DOCK3: variants seen among roughly 807,000 people sequenced by gnomAD.
The protein encoded by DOCK3 is dedicator of cytokinesis 3, also known as dedicator of cytokinesis protein 3.
A neutral mutation model predicts 265.6 loss-of-function variants in DOCK3; 60 were observed. That is an observed-to-expected ratio of 0.23 (90% CI 0.18 to 0.28). DOCK3 has a LOEUF of 0.28. Among genes scored for constraint, DOCK3 ranks in the 10% least tolerant of loss-of-function variants. The pLI, the probability that DOCK3 is intolerant of heterozygous loss-of-function variation, is 1.00. For synonymous variants in DOCK3, 881 were observed against 938.0 expected, an observed-to-expected ratio of 0.94 and a Z score of 1.11; for missense variants, 1,981 against 2,594.3, an observed-to-expected ratio of 0.76 and a Z score of 5.14.
intron 1 of DOCK3, among the ~76,000 whole-genome samples, chr3:50,745,024 A>T (rs997152172): frequency 2.0e-5 from 3 of 152,104 alleles, no homozygotes; most frequent in Non-Finnish European, 4.4e-5. Context: ...CTTTTTCAAG[A>T]CTGTTTGGCT....
At chr3:50,744,168 T>C (rs1344866042) in intron 1 of DOCK3, among the ~76,000 whole-genome samples, 1 of 152,184 alleles carries the variant, frequency 6.6e-6, no homozygotes, top group Admixed American at 6.5e-5. Context: ...TTATATATTC[T>C]GTATATGAAA....
intron 2 of DOCK3, among the ~76,000 whole-genome samples, chr3:50,799,226 G>T (rs907775369): frequency 1.3e-5 from 2 of 152,072 alleles, no homozygotes; most frequent in East Asian, 3.9e-4. Context: ...CCAATTTTAG[G>T]ATATTCCCCC....
chr3:51,043,633 G>C (rs1479623175), intron 5 of DOCK3, among the ~76,000 whole-genome samples: 1 of 149,982 alleles, frequency 6.7e-6, no homozygotes, highest in Non-Finnish European at 1.5e-5. Flanking sequence ...AACTGAATGG[G>C]GTAAACAGAC....
chr3:50,753,921 C>T (rs1487580011), intron 1 of DOCK3, among the ~76,000 whole-genome samples: 2 of 151,958 alleles, frequency 1.3e-5, no homozygotes, highest in Middle Eastern at 3.4e-3. Context: ...TTTGGGAGGC[C>T]GAGGCAAGTG....
intron 37 of DOCK3, among the ~76,000 whole-genome samples, 169 bp downstream of exon 37, chr3:51,339,197 T>C (rs2085075346): frequency 6.6e-6 from 1 of 152,200 alleles, no homozygotes; most frequent in Admixed American, 6.5e-5. Context: ...TTGTGGCACA[T>C]GGTAGAGAGA....
intron 21 of DOCK3, among the ~76,000 whole-genome samples, chr3:51,244,782 C>G (rs1211228553): frequency 6.6e-6 from 1 of 152,148 alleles, no homozygotes; most frequent in African/African-American, 2.4e-5. Flanking sequence ...TGCTTTCAGT[C>G]TTTTACCATT....
intron 3 of DOCK3, among the ~76,000 whole-genome samples, chr3:50,872,545 CAT>C (rs2047483100): frequency 6.6e-6 from 1 of 152,184 alleles, no homozygotes; most frequent in African/African-American, 2.4e-5. Flanking sequence ...CCCGGGCTAC[CAT>C]ATATGTCTGT....
intron 32 of DOCK3, among the ~76,000 whole-genome samples, chr3:51,316,920 C>T (rs2083400580): frequency 6.6e-6 from 1 of 152,112 alleles, no homozygotes; most frequent in Non-Finnish European, 1.5e-5. Flanking sequence ...TTTTCATTTA[C>T]TAAACAATAT....
At chr3:50,989,277 C>T (rs1395645991) in intron 5 of DOCK3, among the ~76,000 whole-genome samples, 1 of 152,180 alleles carries the variant, frequency 6.6e-6, no homozygotes, top group Non-Finnish European at 1.5e-5. Context: ...ACTAAGATTC[C>T]TTCCTCTGCT....
intron 2 of DOCK3, among the ~76,000 whole-genome samples, chr3:50,828,234 C>T (rs183480779): frequency 2.0e-5 from 3 of 151,984 alleles, no homozygotes; most frequent in African/African-American, 4.8e-5. Flanking sequence ...TGCCAGAAAA[C>T]ATGCACTCTT....
chr3:51,010,732 T>G (rs572960833), intron 5 of DOCK3, among the ~76,000 whole-genome samples: 33 of 152,356 alleles, frequency 2.2e-4, no homozygotes, highest in African/African-American at 7.7e-4. Context: ...CTTTACAATT[T>G]GGCACGCTTT....
chr3:51,133,452 T>A (rs568250834), intron 9 of DOCK3, among the ~76,000 whole-genome samples: 3 of 151,948 alleles, frequency 2.0e-5, no homozygotes, highest in Non-Finnish European at 2.9e-5. Flanking sequence ...CTCAGAATGA[T>A]CGTTTCCAGC....
At position 51,214,209 on chromosome 3, in the gene DOCK3, T is replaced by C. The variant is rs376719570; in HGVS notation, c.1214T>C (p.Ile405Thr). 2.5e-6 allele frequency: 4 copies of C among 1,613,800 alleles called. No homozygotes were observed. The highest frequency in any genetic ancestry group is 3.4e-6 in the Non-Finnish European group (4 of 1,179,810). ...NPMIFNRGLA[I>T]TRKLGFPDVI... Reference sequence around the variant, plus strand: ...ATGATATTTAATAGGGGATTGGCAATTACAAGAAAATTGGGATTTCCTGAT... The same window carrying C: ...ATGATATTTAATAGGGGATTGGCAACTACAAGAAAATTGGGATTTCCTGAT... Residue 405 changes from isoleucine to threonine, a missense_variant, in exon 14 of 53, where the codon ATT (isoleucine) becomes ACT (threonine). Physicochemically the swap from Ile to Thr is moderately conservative, Grantham distance 89 (BLOSUM62 -1). Around this residue, in one of 4 missense-constraint regions of DOCK3, gnomAD observed 456 missense variants for 539.0 expected, o/e 0.85. Transcript: ENST00000266037.
intron 21 of DOCK3, among the ~76,000 whole-genome samples, chr3:51,237,975 G>A (rs2078422864): frequency 6.6e-6 from 1 of 151,750 alleles, no homozygotes; most frequent in Admixed American, 6.6e-5. Flanking sequence ...GGTACCTCAT[G>A]TAAGTGTAAT....
In DOCK3 at chr3:51,360,614, A is replaced by G. The variant is rs774138916; in HGVS notation, c.4988A>G (p.Lys1663Arg). ...SHSPMSPESI[K>R]MTHRHSPMNL... is the part of the protein sequence containing the mutation. ...AGCCCCATGAGTCCGGAGAGCATCA[A>G]GATGACCCACCGGCACAGGTATGGC... Residue 1663 changes from lysine (K) to arginine (R), a missense_variant, in exon 47 of 53, where the codon AAG (lysine) becomes AGG (arginine). Lys to Arg is a conservative substitution (Grantham distance 26, BLOSUM62 2). Coordinates refer to ENST00000266037, the MANE Select transcript of DOCK3 (RefSeq NM_004947.5). The G allele has an allele frequency of 6.8e-6, 11 of 1,613,766 alleles. No homozygotes were observed. Among genetic ancestry groups the G allele is most frequent in the African/African-American group, 1.3e-5 (1 of 74,926 alleles).
intron 2 of DOCK3, among the ~76,000 whole-genome samples, chr3:50,807,777 C>A (rs775927563): frequency 1.6e-4 from 25 of 152,180 alleles, no homozygotes; most frequent in Non-Finnish European, 3.5e-4. Context: ...GATACAAAGT[C>A]TTGCTCTGTT....
At chr3:51,111,752 A>G (rs1297816972) in intron 9 of DOCK3, among the ~76,000 whole-genome samples, 1 of 152,246 alleles carries the variant, frequency 6.6e-6, no homozygotes, top group Non-Finnish European at 1.5e-5. Flanking sequence ...GGGAAAAGAA[A>G]CTATCAACAG....
intron 5 of DOCK3, among the ~76,000 whole-genome samples, chr3:50,943,613 TA>T (rs1323021074): frequency 6.6e-6 from 1 of 152,122 alleles, no homozygotes; most frequent in Non-Finnish European, 1.5e-5. Flanking sequence ...GAATATATAT[TA>T]TTTTAATTGT....
intron 12 of DOCK3, among the ~76,000 whole-genome samples, chr3:51,168,385 A>G (rs1310579622): frequency 3.3e-5 from 5 of 152,262 alleles, no homozygotes; most frequent in African/African-American, 9.6e-5. Context: ...TACTGGTACA[A>G]AAACAGACAC....
Sources: gnomAD v4.1 joint callset for allele counts (sites outside exome capture counted in the v4.1 genomes callset) on GRCh38, gnomAD v4.1.1 for gene constraint, gnomAD v4.1.1 regional missense constraint, MANE v1.5 for transcripts, NCBI Gene and HGNC (gene_info 2026-07-23, HGNC 2026-07-21) for gene names.